The following HSD17B6 variants were observed in gnomAD, a reference collection of about 807,000 sequenced individuals.
HSD17B6 encodes the protein hydroxysteroid 17-beta dehydrogenase 6.
A neutral mutation model predicts 26.4 loss-of-function variants in HSD17B6; 16 were observed. That is an observed-to-expected ratio of 0.61 (90% CI 0.41 to 0.92). The LOEUF (loss-of-function observed/expected upper bound fraction) is 0.92. Among genes scored for constraint, HSD17B6 ranks in the 40% least tolerant of loss-of-function variants. The probability of loss-of-function intolerance (pLI) is 0.00; values close to 1 mark genes in which losing one functional copy is unlikely to be tolerated. For missense variants in HSD17B6, 357 were observed against 386.1 expected, an observed-to-expected ratio of 0.92 and a Z score of 0.63; for synonymous variants, 139 against 153.0, an observed-to-expected ratio of 0.91 and a Z score of 0.68.
At chr12:56,766,071 T>C (rs142449824) in intron 1 of HSD17B6, among the ~76,000 whole-genome samples, 1,895 of 152,158 alleles carry the variant, frequency 0.012, 18 homozygotes, top group African/African-American at 0.024. Flanking sequence ...TTCGTGAAAT[T>C]CCTTCTCCTG....
intron 4 of HSD17B6, chr12:56,785,815 A>T (rs1455840033): frequency 2.7e-5 from 6 of 219,144 alleles, no homozygotes; most frequent in Non-Finnish European, 3.9e-5. Context: ...AGGAGAAAGC[A>T]TGTAGGTGGG....
intron 1 of HSD17B6, among the ~76,000 whole-genome samples, chr12:56,767,051 T>C (rs1954344323): frequency 6.6e-6 from 1 of 152,066 alleles, no homozygotes; most frequent in Non-Finnish European, 1.5e-5. Context: ...CAGGCTGGTC[T>C]TGAAAGGGAA....
chr12:56,779,496 A>T (rs1954667410), intron 2 of HSD17B6, among the ~76,000 whole-genome samples: 1 of 151,652 alleles, frequency 6.6e-6, no homozygotes, highest in African/African-American at 2.4e-5. Context: ...TATTTGTCCC[A>T]TTTTTTCCTG....
At chr12:56,783,650 C>T (rs1445877751) in intron 3 of HSD17B6, among the ~76,000 whole-genome samples, 8 of 118,410 alleles carry the variant, frequency 6.8e-5, no homozygotes, top group African/African-American at 1.5e-4. Flanking sequence ...CTGACCCCCC[C>T]CACCTCCCTC....
intron 2 of HSD17B6, among the ~76,000 whole-genome samples, chr12:56,777,035 A>C (rs1249407797): frequency 1.3e-5 from 2 of 152,152 alleles, no homozygotes; most frequent in Non-Finnish European, 2.9e-5. Context: ...AGATTCTGGT[A>C]ATTGGATCTC....
Position 56,769,213 on chromosome 12 carries a change from G to T in HSD17B6, c.-19-4621G>T, listed in dbSNP as rs561059919. ...TGCCTCCCAGGTTTAAGCGATTCTT[G>T]TGCCTCCGCCTCCCAAGTAGCTGGG... On this transcript the variant is annotated intron_variant, in intron 1 of 4. Transcript: ENST00000322165. 8.8e-5 allele frequency among the ~76,000 whole-genome samples: 13 copies of T among 147,228 alleles called. No homozygotes were observed. In the East Asian group the frequency reaches 2.4e-3, roughly 28 times the overall value.
chr12:56,780,695 T>C (rs1954695505), intron 2 of HSD17B6, among the ~76,000 whole-genome samples: 1 of 151,674 alleles, frequency 6.6e-6, no homozygotes, highest in African/African-American at 2.4e-5. Context: ...CCGTCTCTAC[T>C]AAAAATACCA....
chr12:56,775,502 C>A (rs929478237), intron 2 of HSD17B6, among the ~76,000 whole-genome samples: 1 of 152,064 alleles, frequency 6.6e-6, no homozygotes, highest in African/African-American at 2.4e-5. Context: ...TTCTTGAAGT[C>A]AATCTTTGGT....
intron 4 of HSD17B6, among the ~76,000 whole-genome samples, chr12:56,786,242 G>A (rs901423199): frequency 1.4e-5 from 2 of 146,944 alleles, no homozygotes; most frequent in African/African-American, 2.5e-5. Flanking sequence ...ACAGAATTAA[G>A]TTGTGTGTTT....
intron 1 of HSD17B6, among the ~76,000 whole-genome samples, chr12:56,772,176 T>C (rs2137905018): frequency 6.6e-6 from 1 of 152,338 alleles, no homozygotes; most frequent in South Asian, 2.1e-4. Flanking sequence ...CTCAGACCTC[T>C]CTAAACTGCC....
chr12:56,779,801 C>CTT (rs34050360), intron 2 of HSD17B6, among the ~76,000 whole-genome samples: 14,345 of 134,132 alleles, frequency 0.11, 1,251 homozygotes, highest in African/African-American at 0.24. Flanking sequence ...CTCTTTTTAC[C>CTT]TTTTTTTTTT....
chr12:56,785,878 T>C, intron 4 of HSD17B6: 1 of 878,762 alleles, frequency 1.1e-6, no homozygotes, highest in Non-Finnish European at 1.4e-6. Flanking sequence ...GGCCATTCCC[T>C]GAGGCTATAT....
rs1162790270 is a variant in HSD17B6 at position 56,782,169 on chromosome 12, C to T, written c.509C>T (p.Ala170Val). 1.2e-6 allele frequency: 2 copies of T among 1,614,036 alleles called. No homozygotes were observed. Among genetic ancestry groups the T allele is most frequent in the African/African-American group, 2.7e-5 (2 of 74,928 alleles). ...VNVSSILGRVAFFVGGYCVSK... is the reference protein window; with the variant it reads ...VNVSSILGRVVFFVGGYCVSK... ...GTCTCCAGCATTCTGGGAAGAGTTG[C>T]TTTCTTTGTAGGAGGCTACTGTGTC... Residue 170 changes from alanine to valine, a missense_variant, in exon 3 of 5, where the codon GCT (alanine) becomes GTT (valine). Transcript: ENST00000322165.
At chr12:56,781,530 G>C in intron 2 of HSD17B6, among the ~76,000 whole-genome samples, 1 of 152,174 alleles carries the variant, frequency 6.6e-6, no homozygotes, top group Middle Eastern at 3.2e-3. Flanking sequence ...CAGGCTGGGC[G>C]TGGTGGCTCA....
chr12:56,784,398 A>G (rs1404415418), intron 3 of HSD17B6, among the ~76,000 whole-genome samples: 2 of 152,310 alleles, frequency 1.3e-5, no homozygotes, highest in East Asian at 3.9e-4. Context: ...TTGAGCACTG[A>G]GTGAACGAGA....
At chr12:56,784,704 C>CGAGGGA (rs537252255) in intron 3 of HSD17B6, 149 bp from the exon 4 acceptor site, 24 of 751,544 alleles carry the variant, frequency 3.2e-5, no homozygotes, top group Admixed American at 1.1e-4. Flanking sequence ...GAGAGGGAGA[C>CGAGGGA]GAGGGAGAGG....
At chr12:56,783,534 CGGGG>C (rs1165595590) in intron 3 of HSD17B6, among the ~76,000 whole-genome samples, 5 of 132,730 alleles carry the variant, frequency 3.8e-5, no homozygotes, top group African/African-American at 8.6e-5. Flanking sequence ...GCCGGCCGGG[CGGGG>C]GGCTGAACCC....
chr12:56,781,869 G>A (rs2137925031), intron 2 of HSD17B6, 105 bp from the exon 3 acceptor site: 2 of 1,161,018 alleles, frequency 1.7e-6, no homozygotes, highest in South Asian at 1.5e-5. Context: ...CATGGGGGTG[G>A]TTAGTGGTTA....
intron 1 of HSD17B6, among the ~76,000 whole-genome samples, chr12:56,766,225 G>T (rs1229579479): frequency 1.3e-5 from 2 of 151,954 alleles, no homozygotes; most frequent in Non-Finnish European, 2.9e-5. Context: ...TCTCTTTTCG[G>T]ACTCAGCCCG....
Sources: allele counts gnomAD v4.1 joint callset (sites outside exome capture counted in the v4.1 genomes callset), GRCh38; gene constraint gnomAD v4.1.1; transcripts MANE v1.5; gene names NCBI Gene and HGNC (gene_info 2026-07-23, HGNC 2026-07-21).